PCDHGA2: variants seen among roughly 807,000 people sequenced by gnomAD.
PCDHGA2 encodes the protein protocadherin gamma-A2.
Under a neutral mutation model 59.2 loss-of-function variants are expected in PCDHGA2, and 40 were observed. The observed-to-expected ratio is 0.68, with a 90% CI of 0.52 to 0.88. The LOEUF is 0.88. Ranked by LOEUF, PCDHGA2 falls within the 40% of genes least tolerant of loss-of-function variation. The pLI, the probability that PCDHGA2 is intolerant of heterozygous loss-of-function variation, is 0.00. For synonymous variants in PCDHGA2, 560 were observed against 526.0 expected (o/e 1.06, Z -0.89); for missense variants, 1,226 against 1,204.0 (o/e 1.02, Z -0.27).
chr5:141,489,300 C>A lies in PCDHGA2; in HGVS notation c.2425-5507C>A. On this transcript the variant is annotated intron_variant, in intron 1 of 3. Coordinates refer to ENST00000394576, the MANE Select transcript of PCDHGA2 (RefSeq NM_018915.4). The surrounding 1 kb of genome is among the most constrained non-coding windows in gnomAD (Gnocchi z 4.5). ...AATGGCAAGTGCTGTGCATGTTGTC[C>A]TTGTGCTGCTGGGGCTGGGTGTCTG... 1 of 1,585,698 alleles carries A rather than the reference C, an allele frequency of 6.3e-7. No homozygotes were observed. Among genetic ancestry groups the A allele is most frequent in the South Asian group, 1.2e-5 (1 of 85,012 alleles).
rs57426385 is a variant in PCDHGA2, at chr5:141,415,740, G to GTTTTTTTTTTTT, written c.2424+74366_2424+74377dup. 137 of 625,016 alleles carry GTTTTTTTTTTTT rather than the reference G, an allele frequency of 2.2e-4. 2 individuals carry two copies. The highest frequency in any genetic ancestry group is 3.5e-4 in the Admixed American group (5 of 14,120). The allele number at this position is 625,016 out of a possible 1,614,324, so 38.7% of individuals were successfully genotyped here. On this transcript the variant is annotated intron_variant, in intron 1 of 3. Coordinates refer to ENST00000394576, the MANE Select transcript of PCDHGA2 (RefSeq NM_018915.4). ...TGAGTAGAATTTGATGTTTATTAAG[G>GTTTTTTTTTTTT]TTTTTTTTTTTTTTTTTTTTTTTTT... is the stretch of plus-strand genomic sequence containing the variant.
chr5:141,400,639 C>A, intron 1 of PCDHGA2: 1 of 1,310,186 alleles, frequency 7.6e-7, no homozygotes, highest in Non-Finnish European at 1.1e-6. Context: ...CAGAGCTGCT[C>A]AGAAAGCTGT....
rs2149722778 is a variant in PCDHGA2 at position 141,340,111 on chromosome 5, A to G, written c.1140A>G (p.Ala380=). Reference sequence around the variant, plus strand: ...ATGATAGAGACTCTGGGCAGAACGCATTCACCACCTGTTCACTCCCCGAGG... The same window carrying G: ...ATGATAGAGACTCTGGGCAGAACGCGTTCACCACCTGTTCACTCCCCGAGG... ...NVHDRDSGQN[A]FTTCSLPEDL... is the part of the protein sequence containing the mutation. The change falls in exon 1 of 4, where the codon GCA becomes GCG. Residue 380 remains alanine, a synonymous_variant. Coordinates refer to ENST00000394576, the MANE Select transcript of PCDHGA2 (RefSeq NM_018915.4). The G allele has an allele frequency of 6.2e-7, 1 of 1,614,090 alleles. No homozygotes were observed. Among genetic ancestry groups the G allele is most frequent in the African/African-American group, 1.3e-5 (1 of 75,020 alleles).
chr5:141,390,239 C>T (rs769717528), intron 1 of PCDHGA2: 1 of 1,614,022 alleles, frequency 6.2e-7, no homozygotes, highest in Admixed American at 1.7e-5. Flanking sequence ...CATCTGGGGC[C>T]TTATTTCCAC....
chr5:141,375,754 C>T, intron 1 of PCDHGA2: 1 of 1,614,244 alleles, frequency 6.2e-7, no homozygotes, highest in Non-Finnish European at 8.5e-7. Flanking sequence ...ACCAGAATGA[C>T]AATGCGCCCG....
At chr5:141,394,109 G>A (rs764779834) in intron 1 of PCDHGA2, 3 of 1,613,898 alleles carry the variant, frequency 1.9e-6, no homozygotes, top group East Asian at 4.5e-5. Flanking sequence ...CACCACCTCT[G>A]TCCACTGAAA....
intron 1 of PCDHGA2, 143 bp from the exon 2 acceptor site, chr5:141,494,664 A>T: frequency 6.7e-7 from 1 of 1,500,298 alleles, no homozygotes; most frequent in Non-Finnish European, 8.9e-7. Flanking sequence ...GTCTTTGGAG[A>T]TGAGTCCACC....
At chr5:141,483,797 G>GCTGCTTTT (rs1255394691) in intron 1 of PCDHGA2, among the ~76,000 whole-genome samples, 3 of 152,174 alleles carry the variant, frequency 2.0e-5, no homozygotes, top group Non-Finnish European at 4.4e-5. Context: ...TCCAGTTGTT[G>GCTGCTTTT]CTGCTTTTTT....
At position 141,454,796 on chromosome 5, in the gene PCDHGA2, ATTT is replaced by A. The variant is rs61612330; in HGVS notation, c.2425-39984_2425-39982del. On this transcript the variant is annotated intron_variant, in intron 1 of 3. Coordinates refer to ENST00000394576, the MANE Select transcript of PCDHGA2 (RefSeq NM_018915.4). ...AAGGAAATAATCCTCCATGGTTCTA[ATTT>A]TTTTTTTTTTTTTTTTTTTTTTTTT... is the stretch of plus-strand genomic sequence containing the variant. 8.4e-3 allele frequency among the ~76,000 whole-genome samples: 651 copies of A among 77,268 alleles called. 2 individuals are homozygous for A. Among genetic ancestry groups the A allele is most frequent in the African/African-American group, 0.012 (206 of 16,834 alleles). The allele number at this position is 77,268 out of a possible 152,430, so 50.7% of individuals were successfully genotyped here. A position where few individuals can be genotyped will look rare whatever the true frequency, so the allele number is the denominator to read the frequency against.
intron 1 of PCDHGA2, chr5:141,478,197 T>G (rs2099437910): frequency 6.2e-7 from 1 of 1,613,956 alleles, no homozygotes; most frequent in Admixed American, 1.7e-5. Context: ...ACCTTTTATC[T>G]ACTTCTTTCT....
intron 1 of PCDHGA2, chr5:141,352,417 T>G: frequency 6.2e-7 from 1 of 1,614,054 alleles, no homozygotes; most frequent in Non-Finnish European, 8.5e-7. Context: ...GCCTCGACAC[T>G]GAGGGCTGCT....
intron 1 of PCDHGA2, chr5:141,359,969 T>G: frequency 3.0e-6 from 2 of 675,724 alleles, no homozygotes; most frequent in Non-Finnish European, 4.4e-6. Context: ...GAGAAGCGTT[T>G]GGGAGCCTCT....
rs1011504923 is a variant in PCDHGA2, at chr5:141,408,109, C to A, written c.2424+66714C>A. ...GGATTGCCAGCTCCGAGACCCGGGA[C>A]TCCTCCTGTCCTGGGCCGAATGCTC... is the stretch of plus-strand genomic sequence containing the variant. On this transcript the variant is annotated intron_variant, in intron 1 of 3. Transcript: ENST00000394576. 6 of 1,445,662 alleles carry A rather than the reference C, an allele frequency of 4.2e-6. No homozygotes were observed. In the African/African-American group the frequency reaches 5.7e-5, roughly 14 times the overall value. 89.6% of individuals were successfully genotyped at this position (1,445,662 alleles called of 1,614,324 possible). A position where few individuals can be genotyped will look rare whatever the true frequency, so the allele number is the denominator to read the frequency against.
In PCDHGA2 at chr5:141,432,986, G is replaced by A. The variant is rs2097557714; in HGVS notation, c.2425-61821G>A. ...AGCGCCGGCGTCGCACTTTGTGGGC[G>A]TGGACGGGGTGCAGGCTTTCCTGCA... On this transcript the variant is annotated intron_variant, in intron 1 of 3. Transcript: ENST00000394576. This position sits in a 1 kb window ranked among gnomAD's most constrained non-coding sequence, Gnocchi z 6.0. 6 of 1,614,258 alleles carry A rather than the reference G, an allele frequency of 3.7e-6. No individual in the cohort carries two copies. In the Middle Eastern group the frequency reaches 4.9e-4, roughly 133 times the overall value.
intron 1 of PCDHGA2, among the ~76,000 whole-genome samples, chr5:141,381,279 A>G (rs1001552478): frequency 3.3e-5 from 5 of 152,246 alleles, no homozygotes; most frequent in Non-Finnish European, 7.3e-5. Flanking sequence ...GTTTCTTGCC[A>G]GGTCTTTATT....
Position 141,374,094 on chromosome 5 carries a change from C to A in PCDHGA2, c.2424+32699C>A. 1 of 1,555,744 alleles carries A rather than the reference C, an allele frequency of 6.4e-7. No homozygotes were observed. The highest frequency in any genetic ancestry group is 1.2e-5 in the South Asian group (1 of 82,772). On this transcript the variant is annotated intron_variant, in intron 1 of 3. Coordinates refer to ENST00000394576, the MANE Select transcript of PCDHGA2 (RefSeq NM_018915.4). ...CCTAATAAGCCAGTAATGGCGCCTC[C>A]GCAGAGGCATCCGCAGCGCAGCGAG...
At chr5:141,436,910 TGTGA>T (rs1332506247) in intron 1 of PCDHGA2, among the ~76,000 whole-genome samples, 1 of 152,228 alleles carries the variant, frequency 6.6e-6, no homozygotes, top group Non-Finnish European at 1.5e-5. Flanking sequence ...GAGACAATTT[TGTGA>T]GTGTTACTTT....
intron 1 of PCDHGA2, chr5:141,362,033 G>A (rs1762293611): frequency 6.2e-7 from 1 of 1,609,476 alleles, no homozygotes; most frequent in Non-Finnish European, 8.5e-7. Flanking sequence ...CGTGCCTTGG[G>A]CGACAGGGAC....
At chr5:141,399,805 T>C (rs776266997) in intron 1 of PCDHGA2, 26 of 1,613,074 alleles carry the variant, frequency 1.6e-5, no homozygotes, top group Non-Finnish European at 8.5e-7. Flanking sequence ...GCGGGTGCTG[T>C]ACCCCGCGCT....
Sources: allele counts gnomAD v4.1 joint callset (sites outside exome capture counted in the v4.1 genomes callset), GRCh38; gene constraint gnomAD v4.1.1; non-coding constraint Gnocchi (gnomAD v3.1); transcripts MANE v1.5; gene names NCBI Gene and HGNC (gene_info 2026-07-23, HGNC 2026-07-21).